The following OTUD7A variants were observed in gnomAD, a reference collection of about 807,000 sequenced individuals.
OTUD7A encodes the protein OTU deubiquitinase 7A.
A neutral mutation model predicts 65.7 loss-of-function variants in OTUD7A; 12 were observed. The observed-to-expected ratio is 0.18, with a 90% CI of 0.12 to 0.30. The LOEUF is 0.30. OTUD7A is among the 10% of genes least tolerant of loss of function. The pLI is 1.00. For missense variants in OTUD7A, 1,148 were observed against 1,304.8 expected (o/e 0.88, Z 1.85); for synonymous variants, 641 against 586.3 (o/e 1.09, Z -1.35).
At chr15:31,852,416 T>C (rs1030964081) in intron 1 of OTUD7A, among the ~76,000 whole-genome samples, 3 of 152,230 alleles carry the variant, frequency 2.0e-5, no homozygotes, top group African/African-American at 4.8e-5. Context: ...ACTAAAAAAC[T>C]AAGGGTTGTT....
intron 8 of OTUD7A, among the ~76,000 whole-genome samples, chr15:31,509,440 G>A (rs945885729): frequency 6.6e-6 from 1 of 151,750 alleles, no homozygotes; most frequent in African/African-American, 2.4e-5. Context: ...CTCCATGCCC[G>A]GCTATTTTTT....
chr15:31,634,332 T>C (rs1220990554), intron 3 of OTUD7A, among the ~76,000 whole-genome samples: 1 of 152,214 alleles, frequency 6.6e-6, no homozygotes, highest in Non-Finnish European at 1.5e-5. Context: ...AGCCAGTCTA[T>C]GGCAGTTTAA....
intron 8 of OTUD7A, among the ~76,000 whole-genome samples, chr15:31,517,789 G>A (rs1344097753): frequency 6.6e-6 from 1 of 152,174 alleles, no homozygotes; most frequent in Non-Finnish European, 1.5e-5. Context: ...AAAGGTCATG[G>A]AGCAAGGTCC....
chr15:31,815,414 A>C (rs932736558), intron 1 of OTUD7A, among the ~76,000 whole-genome samples: 4 of 152,230 alleles, frequency 2.6e-5, no homozygotes, highest in Non-Finnish European at 5.9e-5. Flanking sequence ...CATCACAGCC[A>C]TCCCTCAAGG....
In OTUD7A at chr15:31,768,106, T is replaced by C; in HGVS notation, c.-100+102401A>G. On this transcript the variant is annotated intron_variant, in intron 1 of 12. Transcript: ENST00000307050. ...CATATTTTTTAAAGTGTTGTCTGTG[T>C]TTTCTTAGAGGCATTCCTGCTCGAA... 35 of 1,598,554 alleles carry C rather than the reference T, an allele frequency of 2.2e-5. No homozygotes were observed. The South Asian group carries it at 3.9e-4, about 18-fold the overall frequency.
intron 1 of OTUD7A, among the ~76,000 whole-genome samples, chr15:31,674,453 G>C (rs1892552010): frequency 6.6e-6 from 1 of 152,178 alleles, no homozygotes; most frequent in South Asian, 2.1e-4. Context: ...AAGGCAACGG[G>C]CAGGTGCTAG....
intron 1 of OTUD7A, among the ~76,000 whole-genome samples, chr15:31,801,664 T>C (rs1182444007): frequency 6.6e-6 from 1 of 152,222 alleles, no homozygotes; most frequent in Non-Finnish European, 1.5e-5. Context: ...ATTTCTACAT[T>C]GTGCTGTGTG....
chr15:31,761,537 G>T (rs915006839), intron 1 of OTUD7A, among the ~76,000 whole-genome samples: 2 of 152,162 alleles, frequency 1.3e-5, no homozygotes, highest in African/African-American at 4.8e-5. Flanking sequence ...TGTTGACAAA[G>T]ATGTGGAGAA....
At chr15:31,506,189 G>A (rs2041562619) in intron 8 of OTUD7A, among the ~76,000 whole-genome samples, 1 of 151,710 alleles carries the variant, frequency 6.6e-6, no homozygotes, top group African/African-American at 2.4e-5. Flanking sequence ...TAGGAATAAA[G>A]GTACAATATT....
chr15:31,627,256 A>C (rs1890989430), intron 3 of OTUD7A, among the ~76,000 whole-genome samples: 1 of 103,220 alleles, frequency 9.7e-6, no homozygotes, highest in Non-Finnish European at 1.9e-5. Context: ...CCACCCCACA[A>C]CAGTCCCCGG....
chr15:31,483,701 G>A lies in OTUD7A; in HGVS notation c.2395C>T (p.Arg799Trp), dbSNP rs1425598159. The stretch of plus-strand genomic sequence containing the variant: ...TGCTGCGGGTACGTGGCGCACGGCC[G>A]CAGCGCCCCCACGGCCGGCGCGCAC... ...EACAPAVGAL[R>W]PCATYPQQNR... is the part of the protein sequence containing the mutation. The change falls in exon 13 of 13, where the codon CGG becomes TGG. Residue 799 changes from arginine (R) to tryptophan (W), a missense_variant. This residue lies in a region of OTUD7A where 842 missense variants were observed against 769.5 expected (regional missense o/e 1.09). Coordinates refer to ENST00000307050, the MANE Select transcript of OTUD7A (RefSeq NM_001382637.1). The A allele has an allele frequency of 8.7e-7, 1 of 1,152,250 alleles. No individual in the cohort carries two copies. The highest frequency in any genetic ancestry group is 1.1e-6 in the Non-Finnish European group (1 of 938,244). The allele number at this position is 1,152,250 out of a possible 1,614,324, so 71.4% of individuals were successfully genotyped here.
intron 8 of OTUD7A, among the ~76,000 whole-genome samples, chr15:31,513,350 T>A (rs28449613): frequency 2.6e-5 from 4 of 152,082 alleles, no homozygotes; most frequent in South Asian, 2.1e-4. Flanking sequence ...AACATCCTCC[T>A]ACACAACCAC....
chr15:31,714,766 A>C (rs988836035), intron 1 of OTUD7A, among the ~76,000 whole-genome samples: 4 of 152,172 alleles, frequency 2.6e-5, no homozygotes, highest in African/African-American at 9.7e-5. Context: ...TAGTTTAAGT[A>C]TTTTTACTAA....
At chr15:31,697,574 A>G (rs545557124) in intron 1 of OTUD7A, among the ~76,000 whole-genome samples, 1 of 151,256 alleles carries the variant, frequency 6.6e-6, no homozygotes, top group Admixed American at 6.6e-5. Context: ...CTTGGGGTTC[A>G]GGAGGTGAAA....
chr15:31,570,867 G>T (rs562282257), intron 3 of OTUD7A, among the ~76,000 whole-genome samples: 1 of 152,158 alleles, frequency 6.6e-6, no homozygotes, highest in Non-Finnish European at 1.5e-5. Flanking sequence ...TGGAGGCAGC[G>T]TGGGCACTCT....
intron 1 of OTUD7A, among the ~76,000 whole-genome samples, chr15:31,818,569 A>C (rs1414468555): frequency 1.3e-5 from 2 of 152,140 alleles, no homozygotes; most frequent in African/African-American, 4.8e-5. Flanking sequence ...CAGAGAGGTG[A>C]TGTGCCTCTT....
chr15:31,637,145 C>CT (rs1714060251), intron 3 of OTUD7A, among the ~76,000 whole-genome samples: 1 of 152,214 alleles, frequency 6.6e-6, no homozygotes, highest in Non-Finnish European at 1.5e-5. Context: ...AAGATGTTAT[C>CT]TAGGCTAGAT....
intron 1 of OTUD7A, among the ~76,000 whole-genome samples, chr15:31,850,093 A>G (rs1481771450): frequency 2.0e-5 from 3 of 152,232 alleles, no homozygotes; most frequent in Non-Finnish European, 4.4e-5. Flanking sequence ...ATCATGCTAC[A>G]TAAAGACACA....
intron 1 of OTUD7A, among the ~76,000 whole-genome samples, chr15:31,814,203 A>G (rs1315675763): frequency 1.3e-5 from 2 of 152,236 alleles, no homozygotes; most frequent in Non-Finnish European, 2.9e-5. Flanking sequence ...AGACCACCCA[A>G]CCACTGGCAT....
Sources: allele counts gnomAD v4.1 joint callset (sites outside exome capture counted in the v4.1 genomes callset), GRCh38; gene constraint gnomAD v4.1.1; regional missense constraint gnomAD v4.1.1; transcripts MANE v1.5; gene names NCBI Gene and HGNC (gene_info 2026-07-23, HGNC 2026-07-21).